FAM90A20: variants seen among roughly 807,000 people sequenced by gnomAD.
FAM90A20 encodes family with sequence similarity 90 member A20.
chr8:7,296,537 C>T, the FAM90A20 span: 12 of 618,358 alleles, frequency 1.9e-5, 1 homozygote, highest in South Asian at 1.1e-4. Context: ...ACGATCCTTG[C>T]AGGTCAGTTT....
the FAM90A20 span, chr8:7,297,431 C>G: frequency 2.5e-5 from 39 of 1,555,842 alleles, no homozygotes; most frequent in Admixed American, 3.4e-5. Context: ...GGTGACCTCA[C>G]AGCCCTGCCC....
At chr8:7,297,520 G>A in the FAM90A20 span, 1 of 1,514,244 alleles carries the variant, frequency 6.6e-7, no homozygotes. Flanking sequence ...CCCAGGCTCC[G>A]ATTCAGGCTT....
chr8:7,297,592 G>C, the FAM90A20 span: 518 of 1,498,124 alleles, frequency 3.5e-4, 43 homozygotes, highest in Non-Finnish European at 4.3e-4. Flanking sequence ...GCACCATCCA[G>C]GGAGGTGAGC....
the FAM90A20 span, among the ~76,000 whole-genome samples, chr8:7,296,645 A>G: frequency 7.4e-6 from 1 of 135,082 alleles, no homozygotes; most frequent in Non-Finnish European, 1.5e-5. Flanking sequence ...TAGCGGCATG[A>G]GGAAATTAGT....
At chr8:7,297,285 T>G in the FAM90A20 span, 59,241 of 1,341,600 alleles carry the variant, frequency 0.044, 5,506 homozygotes, top group Middle Eastern at 0.051. Flanking sequence ...AGGCACCAGG[T>G]CCACGAGACT....
At chr8:7,297,340 C>T in the FAM90A20 span, 7 of 1,389,522 alleles carry the variant, frequency 5.0e-6, 1 homozygote, top group South Asian at 5.8e-5. Flanking sequence ...AGGGTAGCTG[C>T]CGAGAAGTTC....
chr8:7,297,383 C>T, the FAM90A20 span: 3 of 1,512,822 alleles, frequency 2.0e-6, no homozygotes, highest in East Asian at 2.2e-5. Context: ...CGGCCTGCTC[C>T]AGGCCGTCAG....
the FAM90A20 span, chr8:7,297,034 C>T: frequency 6.8e-7 from 1 of 1,465,344 alleles, no homozygotes; most frequent in South Asian, 1.2e-5. Flanking sequence ...TGAGGAACTT[C>T]TAACCTGTGT....
At chr8:7,296,639 G>A in the FAM90A20 span, among the ~76,000 whole-genome samples, 1 of 134,996 alleles carries the variant, frequency 7.4e-6, no homozygotes, top group Non-Finnish European at 1.5e-5. Context: ...CGTTCCTAGC[G>A]GCATGAGGAA....
the FAM90A20 span, chr8:7,297,165 T>A: frequency 6.5e-7 from 1 of 1,535,102 alleles, no homozygotes. Flanking sequence ...AGGGGCTCCG[T>A]CTTGGCTTCA....
the FAM90A20 span, among the ~76,000 whole-genome samples, chr8:7,296,775 C>G: frequency 7.3e-6 from 1 of 136,172 alleles, no homozygotes; most frequent in Non-Finnish European, 1.5e-5. Flanking sequence ...GTCCGTTCCA[C>G]TTCATGGAAG....
the FAM90A20 span, chr8:7,296,979 G>T: frequency 1.0e-5 from 12 of 1,195,852 alleles, no homozygotes; most frequent in Non-Finnish European, 1.4e-5. Flanking sequence ...CATGGTGTGT[G>T]CACCTTGTCT....
chr8:7,297,661 G>C, the FAM90A20 span: 8 of 1,391,250 alleles, frequency 5.8e-6, no homozygotes, highest in South Asian at 9.2e-5. Flanking sequence ...GACCAAGTAG[G>C]TCGCCCCAGA....
chr8:7,297,502 G>A, the FAM90A20 span: 25 of 1,520,300 alleles, frequency 1.6e-5, 1 homozygote, highest in East Asian at 3.4e-4. Context: ...CAGGAGCCAA[G>A]AGACCTGCCC....
chr8:7,296,291 A>C, the FAM90A20 span: 1 of 732,850 alleles, frequency 1.4e-6, no homozygotes, highest in South Asian at 1.4e-5. Context: ...TTCTGCAGGC[A>C]ACAAGACCCG....
chr8:7,297,010 T>C, the FAM90A20 span: 1,131 of 1,414,802 alleles, frequency 8.0e-4, 95 homozygotes, highest in African/African-American at 3.4e-3. Flanking sequence ...TTGATTTTCA[T>C]GTTGGCTCCA....
At chr8:7,297,028 G>A in the FAM90A20 span, 8 of 1,456,620 alleles carry the variant, frequency 5.5e-6, no homozygotes, top group Admixed American at 3.9e-5. Flanking sequence ...CCATGCTGAG[G>A]AACTTCTAAC....
chr8:7,297,144 A>T, the FAM90A20 span: 10 of 1,526,336 alleles, frequency 6.6e-6, 3 homozygotes, highest in Non-Finnish European at 8.8e-6. Flanking sequence ...TCAGCTACCG[A>T]AATGTCTGGC....
At chr8:7,297,332 G>A in the FAM90A20 span, 18 of 1,372,324 alleles carry the variant, frequency 1.3e-5, no homozygotes, top group Admixed American at 1.7e-5. Flanking sequence ...CAGCCCTGAG[G>A]GTAGCTGCCG....
Sources: allele counts gnomAD v4.1 joint callset (sites outside exome capture counted in the v4.1 genomes callset), GRCh38; gene constraint gnomAD v4.1.1; transcripts MANE v1.5; gene names NCBI Gene and HGNC (gene_info 2026-07-23, HGNC 2026-07-21).